LMLN: variants seen among roughly 807,000 people sequenced by gnomAD.
LMLN encodes the protein leishmanolysin like peptidase.
A neutral mutation model predicts 92.3 loss-of-function variants in LMLN; 70 were observed. The ratio of observed to expected loss-of-function variants is 0.76; its 90% CI spans 0.63 to 0.92. The LOEUF is 0.92. LMLN is among the 40% of genes least tolerant of loss of function. The pLI, the probability that LMLN is intolerant of heterozygous loss-of-function variation, is 0.00. For missense variants in LMLN, 691 were observed against 814.6 expected (o/e 0.85, Z 1.85); for synonymous variants, 308 against 296.2 (o/e 1.04, Z -0.41).
intron 11 of LMLN, among the ~76,000 whole-genome samples, chr3:198,009,184 T>G (rs1581164828): frequency 6.6e-6 from 1 of 152,238 alleles, no homozygotes; most frequent in East Asian, 1.9e-4. Flanking sequence ...AACTGTGTCC[T>G]TACTGATTTT....
rs2109934090 is a variant in LMLN at position 198,019,798 on chromosome 3, A to AT, written c.1365+415dup. 6.6e-6 allele frequency among the ~76,000 whole-genome samples: 1 copy of AT among 152,304 alleles called. No individual in the cohort carries two copies. Among genetic ancestry groups the AT allele is most frequent in the African/African-American group, 2.4e-5 (1 of 41,584 alleles). On this transcript the variant is annotated intron_variant, in intron 12 of 15. Coordinates refer to ENST00000330198, the Ensembl canonical transcript of LMLN. This position sits in a 1 kb window ranked among gnomAD's most constrained non-coding sequence, Gnocchi z 5.5. ...AGATTTGATTCATGGGATCTGAAAG[A>AT]TTAAGGAAATGGTCCCACATATCTT...
intron 1 of LMLN, among the ~76,000 whole-genome samples, chr3:197,961,683 A>G (rs967170605): frequency 6.6e-6 from 1 of 152,208 alleles, no homozygotes; most frequent in Non-Finnish European, 1.5e-5. Flanking sequence ...GACACGGAGT[A>G]TAGCCAGGAG....
Position 198,014,376 on chromosome 3 carries a change from T to C in LMLN, c.1233-4877T>C, listed in dbSNP as rs569697720. On this transcript the variant is annotated intron_variant, in intron 11 of 15. Transcript: ENST00000330198. ...ACCCATCAGAGCCCCCTAACTAGTC[T>C]AACTTCTCTGTATCCTTCAGAGCCC... Among the ~76,000 whole-genome samples, 4 of 95,838 alleles carry C rather than the reference T, an allele frequency of 4.2e-5. No homozygotes were observed. The East Asian group carries it at 1.4e-3, about 34-fold the overall frequency. 62.9% of individuals were successfully genotyped at this position (95,838 alleles called of 152,430 possible). A position where few individuals can be genotyped will look rare whatever the true frequency, so the allele number is the denominator to read the frequency against.
exon 4 of LMLN, chr3:197,976,033 A>G: frequency 6.3e-7 from 1 of 1,582,332 alleles, no homozygotes; most frequent in Non-Finnish European, 8.6e-7. Flanking sequence ...ATTTAGAACA[A>G]GCTTTTCCCA....
chr3:197,968,863 CTA>C (rs1721143178), intron 1 of LMLN, among the ~76,000 whole-genome samples: 1 of 152,202 alleles, frequency 6.6e-6, no homozygotes, highest in Non-Finnish European at 1.5e-5. Context: ...AAGTCATAAA[CTA>C]TGAACTCATA....
intron 5 of LMLN, among the ~76,000 whole-genome samples, chr3:197,979,760 G>C (rs938257337): frequency 2.6e-5 from 4 of 152,060 alleles, no homozygotes; most frequent in Admixed American, 2.6e-4. Flanking sequence ...TTCCAGCCTG[G>C]GTGACAGAGT....
Position 198,042,857 on chromosome 3 carries a change from A to G in LMLN, c.*4190A>G, listed in dbSNP as rs1206156193. On this transcript the variant is annotated 3_prime_UTR_variant, in exon 16 of 16. Transcript: ENST00000330198. This position sits in a 1 kb window ranked among gnomAD's most constrained non-coding sequence, Gnocchi z 4.2. ...AGCTGACAGCTTTAAAGAAACTGGCAAACAGGTAGGTTGTCCTCATATAGA... is the reference window on the plus strand; with the variant it reads ...AGCTGACAGCTTTAAAGAAACTGGCGAACAGGTAGGTTGTCCTCATATAGA... 6.6e-6 allele frequency: 1 copy of G among 152,232 alleles called. No individual in the cohort carries two copies. The highest frequency in any genetic ancestry group is 1.5e-5 in the Non-Finnish European group (1 of 68,034). The allele number at this position is 152,232 out of a possible 1,614,324, so 9.4% of individuals were successfully genotyped here.
chr3:198,005,509 T>A (rs1252621021), intron 11 of LMLN, among the ~76,000 whole-genome samples: 1 of 152,120 alleles, frequency 6.6e-6, no homozygotes, highest in Non-Finnish European at 1.5e-5. Context: ...CATAATACAA[T>A]ATAAATGCTA....
In LMLN at chr3:197,998,254, A is replaced by C. The variant is rs569309524; in HGVS notation, c.1156-1012A>C. On this transcript the variant is annotated intron_variant, in intron 10 of 15. Coordinates refer to ENST00000330198, the Ensembl canonical transcript of LMLN. ...TCTTTTTATTTTTAGAGATCTGCTT[A>C]AATAGATAGTTGCAGCTCATATACA... Among the ~76,000 whole-genome samples the C allele has an allele frequency of 4.6e-5, 7 of 152,354 alleles. No individual in the cohort carries two copies. In the East Asian group the frequency reaches 1.3e-3, roughly 29 times the overall value.
chr3:197,960,356 C>G, exon 1 of LMLN: 1 of 1,613,910 alleles, frequency 6.2e-7, no homozygotes, highest in South Asian at 1.1e-5. Context: ...TCCTGTTGGG[C>G]GGGCTCCGGG....
chr3:197,970,248 G>T (rs1177332901), intron 1 of LMLN, among the ~76,000 whole-genome samples: 1 of 152,080 alleles, frequency 6.6e-6, no homozygotes, highest in East Asian at 1.9e-4. Context: ...TGTCTCCAAA[G>T]AAATTAACAG....
intron 11 of LMLN, among the ~76,000 whole-genome samples, chr3:198,010,366 C>G (rs1361557173): frequency 1.3e-5 from 2 of 152,084 alleles, no homozygotes; most frequent in Admixed American, 6.5e-5. Flanking sequence ...CCAGGCTGGT[C>G]TTGAACTCCT....
At chr3:197,991,035 A>G (rs1721851122) in intron 9 of LMLN, among the ~76,000 whole-genome samples, 1 of 152,174 alleles carries the variant, frequency 6.6e-6, no homozygotes, top group African/African-American at 2.4e-5. Context: ...ATATCTATAC[A>G]TCTGTATACA....
chr3:198,008,716 A>G (rs1036433397), intron 11 of LMLN, among the ~76,000 whole-genome samples: 1 of 152,216 alleles, frequency 6.6e-6, no homozygotes, highest in African/African-American at 2.4e-5. Flanking sequence ...ATCTCTACAT[A>G]AATAAATGAT....
chr3:197,984,457 A>G (rs1056156756), intron 7 of LMLN, among the ~76,000 whole-genome samples: 30 of 151,956 alleles, frequency 2.0e-4, no homozygotes, highest in African/African-American at 7.3e-4. Context: ...CTTTGGAAGT[A>G]TATAGATACG....
intron 9 of LMLN, among the ~76,000 whole-genome samples, chr3:197,992,829 A>G (rs1461886962): frequency 1.3e-5 from 2 of 152,186 alleles, no homozygotes; most frequent in Admixed American, 1.3e-4. Context: ...CAAGGCCATA[A>G]GAAAAGAAAA....
At chr3:198,023,122 T>G (rs1722827206) in intron 13 of LMLN, among the ~76,000 whole-genome samples, 1 of 152,158 alleles carries the variant, frequency 6.6e-6, no homozygotes, top group Non-Finnish European at 1.5e-5. Context: ...ACAGACAGTA[T>G]GTACGTGAAT....
At chr3:197,975,137 T>G in intron 3 of LMLN, 65 bp downstream of exon 3, 1 of 897,140 alleles carries the variant, frequency 1.1e-6, no homozygotes, top group South Asian at 1.5e-5. Context: ...AAATTCTACT[T>G]CAGTAAAGAA....
At chr3:198,021,876 G>A (rs1444476222) in intron 13 of LMLN, among the ~76,000 whole-genome samples, 5 of 152,138 alleles carry the variant, frequency 3.3e-5, no homozygotes, top group Admixed American at 6.5e-5. Context: ...GGGATTATTC[G>A]CGTATGCATG....
Sources: allele counts gnomAD v4.1 joint callset (sites outside exome capture counted in the v4.1 genomes callset), GRCh38; gene constraint gnomAD v4.1.1; non-coding constraint Gnocchi (gnomAD v3.1); transcripts MANE v1.5; gene names NCBI Gene and HGNC (gene_info 2026-07-23, HGNC 2026-07-21).